The following RAP1GAP2 variants were observed in gnomAD, a reference collection of about 807,000 sequenced individuals.
The protein encoded by RAP1GAP2 is rap1 GTPase-activating protein 2.
RAP1GAP2 carries 27 observed loss-of-function variants against 95.0 expected under a neutral mutation model. That is an observed-to-expected ratio of 0.28 (90% CI 0.21 to 0.39). The LOEUF (loss-of-function observed/expected upper bound fraction) is 0.39. Ranked by LOEUF, RAP1GAP2 falls within the 10% of genes least tolerant of loss-of-function variation. RAP1GAP2 has a pLI of 1.00. For missense variants in RAP1GAP2, 771 were observed against 970.0 expected, an observed-to-expected ratio of 0.79 and a Z score of 2.72; for synonymous variants, 373 against 380.9, an observed-to-expected ratio of 0.98 and a Z score of 0.24.
intron 2 of RAP1GAP2, among the ~76,000 whole-genome samples, chr17:2,852,120 G>A (rs2071878882): frequency 6.6e-6 from 1 of 152,160 alleles, no homozygotes; most frequent in South Asian, 2.1e-4. Context: ...GAAGCTCTGG[G>A]TTGCATGCTG....
chr17:2,780,662 G>A (rs958315810), intron 1 of RAP1GAP2, among the ~76,000 whole-genome samples: 1 of 152,182 alleles, frequency 6.6e-6, no homozygotes, highest in Admixed American at 6.5e-5. Flanking sequence ...TCATCCCTCT[G>A]CCTGCAGGCA....
chr17:2,991,027 TAG>T (rs1364010773), intron 11 of RAP1GAP2, among the ~76,000 whole-genome samples: 1 of 151,876 alleles, frequency 6.6e-6, no homozygotes, highest in African/African-American at 2.4e-5. Flanking sequence ...GTATTTTTAG[TAG>T]AGACAAGGTT....
At chr17:2,793,074 C>T (rs1005921724), upstream of RAP1GAP2, among the ~76,000 whole-genome samples, 29 of 152,138 alleles carry the variant, frequency 1.9e-4, no homozygotes, top group Middle Eastern at 0.014. Context: ...TGTATGAAAG[C>T]GCATCAACGT....
upstream of RAP1GAP2, among the ~76,000 whole-genome samples, chr17:2,793,742 C>T (rs1415036141): frequency 2.0e-5 from 3 of 152,242 alleles, no homozygotes; most frequent in African/African-American, 7.2e-5. Context: ...GGCTGGCTCT[C>T]CTATACCCGG....
At chr17:2,939,002 AC>A (rs1477627956) in intron 3 of RAP1GAP2, among the ~76,000 whole-genome samples, 1 of 152,094 alleles carries the variant, frequency 6.6e-6, no homozygotes, top group Non-Finnish European at 1.5e-5. Flanking sequence ...ACAAAACAAA[AC>A]AAAAAAAATG....
At chr17:2,924,085 C>T (rs8069911) in intron 3 of RAP1GAP2, among the ~76,000 whole-genome samples, 47,907 of 152,064 alleles carry the variant, frequency 0.32, 7,842 homozygotes, top group African/African-American at 0.42. Context: ...TAAAAAGAAC[C>T]AAACCTTTGG....
intron 10 of RAP1GAP2, 28 bp from the exon 11 acceptor site, chr17:2,984,955 A>ATTTTTTTTTT: frequency 1.9e-6 from 3 of 1,546,648 alleles, no homozygotes; most frequent in Non-Finnish European, 1.8e-6. Flanking sequence ...ACAAATGTTG[A>ATTTTTTTTTT]TTTTTTTTTT....
intron 3 of RAP1GAP2, among the ~76,000 whole-genome samples, chr17:2,905,962 T>G (rs1253227159): frequency 6.6e-6 from 1 of 152,252 alleles, no homozygotes; most frequent in African/African-American, 2.4e-5. Context: ...TCTGCCACCA[T>G]GACCTTCCCC....
At chr17:2,913,311 G>A (rs73294604) in intron 3 of RAP1GAP2, among the ~76,000 whole-genome samples, 18,674 of 151,074 alleles carry the variant, frequency 0.12, 2,079 homozygotes, top group East Asian at 0.35. Flanking sequence ...TTTTTGAGAT[G>A]GAATCTCGCT....
rs116264459 is a variant in RAP1GAP2 at position 2,870,066 on chromosome 17, G to A, written c.81-35218G>A. ...GGGAATCTGTATGGCCCCTGACCCC[G>A]GCATGGCCTCAGAACCTTCCTCAGA... On this transcript the variant is annotated intron_variant, in intron 2 of 24. Transcript: ENST00000254695. The surrounding 1 kb of genome is among the most constrained non-coding windows in gnomAD (Gnocchi z 4.4). 8.7e-4 allele frequency among the ~76,000 whole-genome samples: 132 copies of A among 152,128 alleles called. No homozygotes were observed. Among genetic ancestry groups the A allele is most frequent in the African/African-American group, 3.0e-3 (123 of 41,510 alleles).
chr17:2,756,504 G>T (rs995477489), intron 1 of RAP1GAP2, among the ~76,000 whole-genome samples: 1 of 152,162 alleles, frequency 6.6e-6, no homozygotes, highest in African/African-American at 2.4e-5. Context: ...CAATGTTCAG[G>T]ACGGCTTCAG....
intron 2 of RAP1GAP2, among the ~76,000 whole-genome samples, chr17:2,900,973 G>T (rs546789635): frequency 1.3e-5 from 2 of 152,308 alleles, no homozygotes; most frequent in South Asian, 2.1e-4. Context: ...CTCCGAGGGT[G>T]GGGAGGCGAG....
In RAP1GAP2 at chr17:2,871,285, C is replaced by G. The variant is rs1426668842; in HGVS notation, c.81-33999C>G. ...GCTAAACATTTTAATGGCTGAATTTCCCCCAGAGAGGAAGGAAAGCTCCTT... is the reference window on the plus strand; with the variant it reads ...GCTAAACATTTTAATGGCTGAATTTGCCCCAGAGAGGAAGGAAAGCTCCTT... On this transcript the variant is annotated intron_variant, in intron 2 of 24. Coordinates refer to ENST00000254695, the MANE Select transcript of RAP1GAP2 (RefSeq NM_015085.5). This position sits in a 1 kb window ranked among gnomAD's most constrained non-coding sequence, Gnocchi z 5.0. Among the ~76,000 whole-genome samples the G allele has an allele frequency of 6.6e-6, 1 of 152,180 alleles. No homozygotes were observed. The highest frequency in any genetic ancestry group is 6.6e-5 in the Admixed American group (1 of 15,264).
intron 8 of RAP1GAP2, among the ~76,000 whole-genome samples, chr17:2,973,524 A>G (rs915058924): frequency 6.6e-6 from 1 of 152,198 alleles, no homozygotes; most frequent in South Asian, 2.1e-4. Context: ...CTCAACAAAC[A>G]AAAGGAAAAC....
chr17:2,970,581 G>A (rs141602725), intron 8 of RAP1GAP2, among the ~76,000 whole-genome samples: 35 of 152,206 alleles, frequency 2.3e-4, no homozygotes, highest in Admixed American at 5.9e-4. Context: ...ATTTTTGCCC[G>A]TCTGATAGAT....
At chr17:2,851,306 CTT>C (rs1228271078) in intron 2 of RAP1GAP2, among the ~76,000 whole-genome samples, 1 of 152,118 alleles carries the variant, frequency 6.6e-6, no homozygotes, top group Non-Finnish European at 1.5e-5. Flanking sequence ...GCCCTGGTCT[CTT>C]GCATAAAGCT....
At chr17:2,805,235 T>C (rs890136302) in intron 2 of RAP1GAP2, among the ~76,000 whole-genome samples, 8 of 152,132 alleles carry the variant, frequency 5.3e-5, no homozygotes, top group African/African-American at 1.9e-4. Context: ...CAGTCCGCTC[T>C]GGGGGCCAGC....
At chr17:2,769,834 A>G (rs776394937) in intron 1 of RAP1GAP2, among the ~76,000 whole-genome samples, 4 of 152,046 alleles carry the variant, frequency 2.6e-5, no homozygotes, top group Non-Finnish European at 5.9e-5. Context: ...GGACTTTGGG[A>G]GGCCAAGGCG....
chr17:2,832,323 C>A (rs1002495771), intron 2 of RAP1GAP2, among the ~76,000 whole-genome samples: 2 of 151,684 alleles, frequency 1.3e-5, no homozygotes, highest in African/African-American at 4.8e-5. Flanking sequence ...CTTTGGGAGG[C>A]CAAGGTGGGT....
Sources: gnomAD v4.1 joint callset for allele counts (sites outside exome capture counted in the v4.1 genomes callset) on GRCh38, gnomAD v4.1.1 for gene constraint, Gnocchi (gnomAD v3.1) non-coding constraint, MANE v1.5 for transcripts, NCBI Gene and HGNC (gene_info 2026-07-23, HGNC 2026-07-21) for gene names.